IKZF2: variants seen among roughly 807,000 people sequenced by gnomAD.
IKZF2 encodes IKAROS family zinc finger 2.
IKZF2 carries 15 observed loss-of-function variants against 49.2 expected under a neutral mutation model. That is an observed-to-expected ratio of 0.30 (90% CI 0.20 to 0.47). IKZF2 has a LOEUF of 0.47. Among genes scored for constraint, IKZF2 ranks in the 20% least tolerant of loss-of-function variants. The pLI, the probability that IKZF2 is intolerant of heterozygous loss-of-function variation, is 1.00. For synonymous variants in IKZF2, 227 were observed against 221.4 expected (o/e 1.03, Z -0.23); for missense variants, 567 against 664.6 (o/e 0.85, Z 1.61).
intron 4 of IKZF2, among the ~76,000 whole-genome samples, chr2:213,124,231 CACAT>C (rs2060152391): frequency 7.6e-6 from 1 of 130,914 alleles, no homozygotes; most frequent in African/African-American, 3.0e-5. Flanking sequence ...TGTGCACGCA[CACAT>C]GCGCTCGCGC....
intron 7 of IKZF2, among the ~76,000 whole-genome samples, chr2:213,021,246 A>G (rs1574505804): frequency 6.6e-6 from 1 of 152,012 alleles, no homozygotes; most frequent in Non-Finnish European, 1.5e-5. Context: ...AATAATTTAA[A>G]AAAATAAATA....
chr2:213,099,291 A>G (rs934760841), intron 4 of IKZF2, among the ~76,000 whole-genome samples: 18 of 152,192 alleles, frequency 1.2e-4, no homozygotes, highest in African/African-American at 4.1e-4. Flanking sequence ...CCAATATTAT[A>G]TACATGATTC....
At chr2:213,084,554 A>T (rs1704344090) in intron 4 of IKZF2, among the ~76,000 whole-genome samples, 1 of 152,028 alleles carries the variant, frequency 6.6e-6, no homozygotes, top group African/African-American at 2.4e-5. Context: ...AAGGTTTCTG[A>T]AAAAAATCAT....
intron 4 of IKZF2, among the ~76,000 whole-genome samples, chr2:213,058,803 C>T (rs1701412447): frequency 6.6e-6 from 1 of 151,574 alleles, no homozygotes; most frequent in Non-Finnish European, 1.5e-5. Flanking sequence ...GTTTAAAGAA[C>T]CCATAAACAT....
intron 4 of IKZF2, among the ~76,000 whole-genome samples, chr2:213,129,449 T>A (rs2060395452): frequency 1.4e-5 from 2 of 147,710 alleles, no homozygotes; most frequent in East Asian, 2.0e-4. Context: ...AGTACAGAGG[T>A]CCTTAGACAG....
intron 4 of IKZF2, among the ~76,000 whole-genome samples, chr2:213,105,385 G>T (rs2059490274): frequency 6.6e-6 from 1 of 152,018 alleles, no homozygotes; most frequent in African/African-American, 2.4e-5. Context: ...CAGAGGTTTT[G>T]GGGGAAGGGA....
chr2:213,099,973 T>C (rs1220027847), intron 4 of IKZF2, among the ~76,000 whole-genome samples: 3 of 152,138 alleles, frequency 2.0e-5, no homozygotes, highest in Non-Finnish European at 2.9e-5. Flanking sequence ...GAGATTACTT[T>C]ATAAAAATCA....
chr2:213,038,722 C>T (rs1427414195), intron 6 of IKZF2, among the ~76,000 whole-genome samples: 2 of 151,980 alleles, frequency 1.3e-5, no homozygotes, highest in African/African-American at 4.8e-5. Flanking sequence ...AAAATAGAAA[C>T]TGGTGTATTA....
At position 213,120,015 on chromosome 2, in the gene IKZF2, C is replaced by T. The variant is rs76227831; in HGVS notation, c.139+27693G>A. On this transcript the variant is annotated intron_variant, in intron 4 of 8. Coordinates refer to ENST00000434687, the MANE Select transcript of IKZF2 (RefSeq NM_001387220.1). Reference sequence around the variant, plus strand: ...CCCTCTTTTCATTCCCCAGGTAAAGCAGCCAACTCCATCTCTCTTTCTTCA... The same window carrying T: ...CCCTCTTTTCATTCCCCAGGTAAAGTAGCCAACTCCATCTCTCTTTCTTCA... Among the ~76,000 whole-genome samples the T allele has an allele frequency of 1.6e-4, 24 of 152,298 alleles. No individual in the cohort carries two copies. The East Asian group carries it at 4.6e-3, about 29-fold the overall frequency.
intron 4 of IKZF2, among the ~76,000 whole-genome samples, chr2:213,082,575 G>T (rs1289533862): frequency 6.6e-6 from 1 of 152,142 alleles, no homozygotes; most frequent in Non-Finnish European, 1.5e-5. Flanking sequence ...AAGTTTATTG[G>T]ATTTAGAACT....
chr2:213,063,209 C>T (rs189993557), intron 4 of IKZF2, among the ~76,000 whole-genome samples: 26 of 152,042 alleles, frequency 1.7e-4, no homozygotes, highest in Admixed American at 3.9e-4. Context: ...TATCACATCA[C>T]CTCACTTTTC....
intron 6 of IKZF2, among the ~76,000 whole-genome samples, chr2:213,029,480 T>G (rs1698171374): frequency 6.6e-6 from 1 of 152,038 alleles, no homozygotes; most frequent in Non-Finnish European, 1.5e-5. Flanking sequence ...GGCTACAGGA[T>G]TTTTAGTGAT....
intron 3 of IKZF2, 62 bp from the exon 4 acceptor site, chr2:213,147,874 A>G: frequency 7.8e-7 from 1 of 1,283,884 alleles, no homozygotes; most frequent in Non-Finnish European, 1.1e-6. Flanking sequence ...GTAATTACTA[A>G]CTTTGCTTTA....
At chr2:213,061,826 T>G (rs1701726798) in intron 4 of IKZF2, among the ~76,000 whole-genome samples, 1 of 151,530 alleles carries the variant, frequency 6.6e-6, no homozygotes, top group African/African-American at 2.4e-5. Context: ...AGTTCATGAG[T>G]TAGAATACAG....
chr2:213,092,458 C>A (rs1352815281), intron 4 of IKZF2, among the ~76,000 whole-genome samples: 1 of 152,158 alleles, frequency 6.6e-6, no homozygotes, highest in South Asian at 2.1e-4. Flanking sequence ...GAACTTCAGT[C>A]TACATACCAT....
At chr2:213,056,804 G>A in intron 5 of IKZF2, 29 bp downstream of exon 5, 1 of 1,612,390 alleles carries the variant, frequency 6.2e-7, no homozygotes, top group Non-Finnish European at 8.5e-7. Context: ...GTCACAGGCA[G>A]TCATCAGGTT....
intron 6 of IKZF2, among the ~76,000 whole-genome samples, chr2:213,041,066 C>T (rs964362685): frequency 4.6e-5 from 7 of 151,552 alleles, no homozygotes; most frequent in Non-Finnish European, 8.8e-5. Context: ...TGCAGTGAGC[C>T]GAGATCACGC....
At chr2:213,121,622 C>A (rs1009395497) in intron 4 of IKZF2, among the ~76,000 whole-genome samples, 12 of 152,160 alleles carry the variant, frequency 7.9e-5, no homozygotes, top group Non-Finnish European at 1.8e-4. Context: ...TGGCATATTA[C>A]AACTTGTGGA....
At chr2:213,146,662 T>C (rs2061071780) in intron 4 of IKZF2, among the ~76,000 whole-genome samples, 1 of 144,874 alleles carries the variant, frequency 6.9e-6, no homozygotes, top group Non-Finnish European at 1.5e-5. Context: ...CTGTTAGAAG[T>C]AAAAAGAAAA....
Sources: allele counts gnomAD v4.1 joint callset (sites outside exome capture counted in the v4.1 genomes callset), GRCh38; gene constraint gnomAD v4.1.1; transcripts MANE v1.5; gene names NCBI Gene and HGNC (gene_info 2026-07-23, HGNC 2026-07-21).